ATXN3: variants seen among roughly 807,000 people sequenced by gnomAD.
ATXN3 encodes the protein ataxin 3, also known as ataxin-3.
In ATXN3, 28 loss-of-function variants were observed where a neutral mutation model predicts 58.2. The ratio of observed to expected loss-of-function variants is 0.48; its 90% CI spans 0.36 to 0.66. The LOEUF is 0.66. Ranked by LOEUF, ATXN3 falls within the 30% of genes least tolerant of loss-of-function variation. ATXN3 has a pLI of 0.00. For synonymous variants in ATXN3, 113 were observed against 138.5 expected, an observed-to-expected ratio of 0.82 and a Z score of 1.29; for missense variants, 321 against 422.1, an observed-to-expected ratio of 0.76 and a Z score of 2.10.
intron 2 of ATXN3, among the ~76,000 whole-genome samples, chr14:92,047,440 G>A (rs2057432767): frequency 6.6e-6 from 1 of 152,216 alleles, no homozygotes; most frequent in African/African-American, 2.4e-5. Context: ...CTTAAAGCCA[G>A]TTGTGGGATG....
chr14:92,053,473 CT>C (rs893045800), upstream of ATXN3, among the ~76,000 whole-genome samples: 1,179 of 145,128 alleles, frequency 8.1e-3, 18 homozygotes, highest in African/African-American at 0.026. Context: ...TTCTGCTCTC[CT>C]TTTTTTTTTC....
chr14:92,055,124 C>T (rs775098837), downstream of ATXN3, among the ~76,000 whole-genome samples: 1 of 152,184 alleles, frequency 6.6e-6, no homozygotes, highest in Non-Finnish European at 1.5e-5. This position sits in a 1 kb window ranked among gnomAD's most constrained non-coding sequence, Gnocchi z 4.5. Flanking sequence ...TCGTGATCCG[C>T]CTGCCTCAGC....
intron 1 of ATXN3, among the ~76,000 whole-genome samples, chr14:92,103,402 G>C (rs2067325737): frequency 6.6e-6 from 1 of 152,140 alleles, no homozygotes. Flanking sequence ...ATATATCTCA[G>C]AAACTCAAAG....
Position 92,064,389 on chromosome 14 carries a change from C to G in ATXN3, c.1017G>C (p.Met339Ile). 6.2e-7 allele frequency: 1 copy of G among 1,613,034 alleles called. No individual in the cohort carries two copies. The highest frequency in any genetic ancestry group is 1.3e-5 in the African/African-American group (1 of 75,024). ...AAGACATGGTCACAGCTGCCTGAAG[C>G]ATGTCTTCTTCACTCATAGCATCAC... ...DLGDAMSEED[M>I]LQAAVTMSLE... Residue 339 changes from methionine (M) to isoleucine (I), a missense_variant, in exon 11 of 11, where the codon ATG (methionine) becomes ATC (isoleucine). This residue lies in a region of ATXN3 where 200 missense variants were observed against 223.2 expected (regional missense o/e 0.90). Transcript: ENST00000644486.
At chr14:92,064,973 A>G (rs1445200506) in intron 10 of ATXN3, among the ~76,000 whole-genome samples, 1 of 152,226 alleles carries the variant, frequency 6.6e-6, no homozygotes, top group Non-Finnish European at 1.5e-5. Context: ...AGATATTGAC[A>G]TTGGCACAAC....
Position 92,063,527 on chromosome 14 carries a change from T to C in ATXN3, c.*793A>G, listed in dbSNP as rs1393528118. 1 of 152,168 alleles carries C rather than the reference T, an allele frequency of 6.6e-6. No homozygotes were observed. Among genetic ancestry groups the C allele is most frequent in the Non-Finnish European group, 1.5e-5 (1 of 68,036 alleles). 9.4% of individuals were successfully genotyped at this position (152,168 alleles called of 1,614,324 possible). A position where few individuals can be genotyped will look rare whatever the true frequency, so the allele number is the denominator to read the frequency against. On this transcript the variant is annotated 3_prime_UTR_variant, in exon 11 of 11. Transcript: ENST00000644486. ...GGGGTTGCAACAAAGCTGTAAGGTT[T>C]TGATATAAGTGAAAAGACATTCATA...
At chr14:92,086,245 T>C (rs376789129) in intron 6 of ATXN3, among the ~76,000 whole-genome samples, 2 of 53,126 alleles carry the variant, frequency 3.8e-5, no homozygotes, top group South Asian at 6.3e-4. Flanking sequence ...CTGTCTCTAC[T>C]AAAAATACAA....
chr14:92,093,861 G>A, intron 3 of ATXN3, 30 bp from the exon 4 acceptor site: 1 of 1,346,342 alleles, frequency 7.4e-7, no homozygotes, highest in South Asian at 1.2e-5. Flanking sequence ...CTTTTCATAA[G>A]CTAAACCACT....
chr14:92,104,353 G>A lies in ATXN3; in HGVS notation c.24+2176C>T, dbSNP rs1452129439. Among the ~76,000 whole-genome samples the A allele has an allele frequency of 2.0e-5, 3 of 152,038 alleles. No homozygotes were observed. In the East Asian group the frequency reaches 5.8e-4, roughly 30 times the overall value. On this transcript the variant is annotated intron_variant, in intron 1 of 10. Transcript: ENST00000644486. ...GACGGGGTTTCACCATGTTGGCCAGGCTGGTCTCAAACTACTGACCTCATG... is the reference window on the plus strand; with the variant it reads ...GACGGGGTTTCACCATGTTGGCCAGACTGGTCTCAAACTACTGACCTCATG...
chr14:92,082,991 T>A, intron 7 of ATXN3, 135 bp downstream of exon 7: 1 of 1,090,562 alleles, frequency 9.2e-7, no homozygotes, highest in East Asian at 2.4e-5. Context: ...TTTAAACTAA[T>A]AAACTTCACT....
chr14:92,066,615 T>TG (rs2058474096), intron 10 of ATXN3, among the ~76,000 whole-genome samples: 1 of 145,554 alleles, frequency 6.9e-6, no homozygotes, highest in East Asian at 2.0e-4. Context: ...TTTTTTTTTT[T>TG]TTTTTTTTTT....
chr14:92,079,540 T>G (rs1397775769), intron 9 of ATXN3: 1 of 540,824 alleles, frequency 1.8e-6, no homozygotes, highest in African/African-American at 2.1e-5. Context: ...GAGCCAATAT[T>G]TATAGGTGCT....
chr14:92,098,932 G>A (rs2066047136), intron 1 of ATXN3, among the ~76,000 whole-genome samples: 1 of 152,132 alleles, frequency 6.6e-6, no homozygotes, highest in Admixed American at 6.5e-5. Context: ...CACACAACTG[G>A]CAACCTGAAT....
chr14:92,071,031 G>GCTGCTGCTGCTGCTGCTGCTA lies in ATXN3; in HGVS notation c.894_895insTAGCAGCAGCAGCAGCAGCAG (p.Gln298_Gln299insTer). On this transcript the variant is annotated stop_gained and inframe_insertion, in exon 10 of 11. Transcript: ENST00000644486. LOFTEE classifies it high-confidence loss of function. ...TCCCCCTGCTGCTGCTGCTGCTGCTGCTGTTGCTGCTTTTGCTGCTGTCTG... is the reference window on the plus strand; with the variant it reads ...TCCCCCTGCTGCTGCTGCTGCTGCTGCTGCTGCTGCTGCTGCTGCTACTGTTGCTGCTTTTGCTGCTGTCTG... 6.2e-7 allele frequency: 1 copy of GCTGCTGCTGCTGCTGCTGCTA among 1,610,364 alleles called. No individual in the cohort carries two copies. Among genetic ancestry groups the GCTGCTGCTGCTGCTGCTGCTA allele is most frequent in the Non-Finnish European group, 8.5e-7 (1 of 1,178,960 alleles).
At chr14:92,075,435 G>T (rs3819779) in intron 9 of ATXN3, among the ~76,000 whole-genome samples, 2 of 151,868 alleles carry the variant, frequency 1.3e-5, no homozygotes, top group African/African-American at 4.8e-5. Context: ...CGAAAGTGCT[G>T]GGATTACAAG....
At chr14:92,095,502 C>G (rs1595926919) in intron 3 of ATXN3, among the ~76,000 whole-genome samples, 1 of 142,976 alleles carries the variant, frequency 7.0e-6, no homozygotes, top group Non-Finnish European at 1.5e-5. Context: ...TCGGCCTCCC[C>G]AAAGTGCTGG....
At chr14:92,070,730 G>C in intron 10 of ATXN3, 1 of 1,319,462 alleles carries the variant, frequency 7.6e-7, no homozygotes, top group Non-Finnish European at 1.0e-6. Flanking sequence ...ACAGATGTGA[G>C]CCACCACATC....
At chr14:92,081,482 A>G (rs1347771640) in intron 8 of ATXN3, among the ~76,000 whole-genome samples, 1 of 137,044 alleles carries the variant, frequency 7.3e-6, no homozygotes, top group Non-Finnish European at 1.6e-5. Flanking sequence ...AAAAAAAAAA[A>G]AAAAGAAAGA....
chr14:92,049,792 A>C (rs1456805933), upstream of ATXN3: 1 of 152,468 alleles, frequency 6.6e-6, no homozygotes, highest in Non-Finnish European at 1.5e-5. Flanking sequence ...GCTTTGTGTG[A>C]GCAACAACGC....
Sources: allele counts gnomAD v4.1 joint callset (sites outside exome capture counted in the v4.1 genomes callset), GRCh38; gene constraint gnomAD v4.1.1; regional missense constraint gnomAD v4.1.1; non-coding constraint Gnocchi (gnomAD v3.1); transcripts MANE v1.5; gene names NCBI Gene and HGNC (gene_info 2026-07-23, HGNC 2026-07-21).